The following ZFHX3 variants were observed in gnomAD, a reference collection of about 807,000 sequenced individuals.
ZFHX3 encodes the protein zinc finger homeobox protein 3.
ZFHX3 carries 42 observed loss-of-function variants against 279.1 expected under a neutral mutation model. That is an observed-to-expected ratio of 0.15 (90% confidence interval 0.12 to 0.19). The LOEUF is 0.19. Ranked by LOEUF, ZFHX3 falls within the 10% of genes least tolerant of loss-of-function variation. ZFHX3 has a pLI of 1.00. For synonymous variants in ZFHX3, 2,293 were observed against 1,957.8 expected, an observed-to-expected ratio of 1.17 and a Z score of -4.52; for missense variants, 4,981 against 4,754.0, an observed-to-expected ratio of 1.05 and a Z score of -1.40.
chr16:73,156,239 A>C (rs1300751768), intron 5 of ZFHX3, among the ~76,000 whole-genome samples: 3 of 151,620 alleles, frequency 2.0e-5, no homozygotes, highest in African/African-American at 7.3e-5. Flanking sequence ...CTCAAAAAAA[A>C]AAAAAAAAAA....
intron 7 of ZFHX3, among the ~76,000 whole-genome samples, chr16:73,118,604 T>C (rs547793401): frequency 1.8e-4 from 27 of 152,256 alleles, no homozygotes; most frequent in South Asian, 8.3e-4. Context: ...ATTGGGTGTA[T>C]TGGGGGTAGA....
chr16:73,769,519 G>A (rs2053993584), intron 1 of ZFHX3, among the ~76,000 whole-genome samples: 1 of 152,090 alleles, frequency 6.6e-6, no homozygotes, highest in South Asian at 2.1e-4. Context: ...TAATAGGAAT[G>A]AGCATCTATA....
rs8052708 is a variant in ZFHX3 at position 73,116,807 on chromosome 16, A to T, written c.-897+14161T>A. On this transcript the variant is annotated intron_variant, in intron 7 of 17. Transcript: ENST00000641206. ...AGGGCTGGAAAAACCACATTTTTCT[A>T]TCTCAAACCCAGTTTATTCACGCAG... is the stretch of plus-strand genomic sequence containing the variant. Among the ~76,000 whole-genome samples, 1,318 of 152,296 alleles carry T rather than the reference A, an allele frequency of 8.7e-3. 26 individuals carry two copies. Among genetic ancestry groups the T allele is most frequent in the African/African-American group, 0.03 (1,232 of 41,558 alleles).
intron 3 of ZFHX3, among the ~76,000 whole-genome samples, chr16:73,413,504 G>A (rs2017510750): frequency 6.6e-6 from 1 of 152,218 alleles, no homozygotes; most frequent in South Asian, 2.1e-4. Flanking sequence ...GAGACCAGAT[G>A]TGGAAACAGC....
chr16:73,049,079 GT>G (rs1273847193), upstream of ZFHX3, among the ~76,000 whole-genome samples: 1 of 152,002 alleles, frequency 6.6e-6, no homozygotes, highest in African/African-American at 2.4e-5. Flanking sequence ...ATCTCCCCAA[GT>G]TCACCTTTTC....
chr16:73,337,098 A>G (rs1247063563), intron 3 of ZFHX3, among the ~76,000 whole-genome samples: 1 of 152,158 alleles, frequency 6.6e-6, no homozygotes, highest in Admixed American at 6.5e-5. Flanking sequence ...ACTCAATATC[A>G]TCATATTTCA....
rs773258955 is a variant in ZFHX3, at chr16:72,958,735, C to G, written c.1411G>C (p.Glu471Gln). 1 of 1,612,156 alleles carries G rather than the reference C, an allele frequency of 6.2e-7. No individual in the cohort carries two copies. Among genetic ancestry groups the G allele is most frequent in the Admixed American group, 1.7e-5 (1 of 59,848 alleles). The change falls in exon 2 of 10, where the codon GAG (glutamate) becomes CAG (glutamine). Residue 471 changes from glutamate (E) to glutamine (Q), a missense_variant. Glu to Gln is a conservative substitution (Grantham distance 29, BLOSUM62 2). Around this residue, in one of 7 missense-constraint regions of ZFHX3, gnomAD observed 1,068 missense variants for 935.2 expected, o/e 1.14. Coordinates refer to ENST00000268489, the MANE Select transcript of ZFHX3 (RefSeq NM_006885.4). ...TCTTCTTCCTCCTCCTCCTCCGCCT[C>G]TTCCTCCTCCTCTTCCTCCTCCGCC... is the stretch of plus-strand genomic sequence containing the variant. ...EEAEEEEEEE[E>Q]AEEEEEEEEE... is the part of the protein sequence containing the mutation.
intron 7 of ZFHX3, among the ~76,000 whole-genome samples, chr16:73,126,320 G>A (rs1194049356): frequency 6.6e-6 from 1 of 152,150 alleles, no homozygotes; most frequent in Admixed American, 6.6e-5. Context: ...TACTGCAGAG[G>A]TCCAAGCACT....
At chr16:73,075,557 A>G (rs1394373600) in intron 8 of ZFHX3, among the ~76,000 whole-genome samples, 1 of 152,202 alleles carries the variant, frequency 6.6e-6, no homozygotes, top group Non-Finnish European at 1.5e-5. Flanking sequence ...ATGATCTTGC[A>G]GTGATATACA....
chr16:73,142,301 G>C (rs1966849523), intron 6 of ZFHX3, among the ~76,000 whole-genome samples: 1 of 152,176 alleles, frequency 6.6e-6, no homozygotes, highest in Non-Finnish European at 1.5e-5. Flanking sequence ...GGACCTCTGA[G>C]CCATCAGCAC....
At chr16:73,336,055 C>G (rs1046447870) in intron 3 of ZFHX3, among the ~76,000 whole-genome samples, 1 of 152,166 alleles carries the variant, frequency 6.6e-6, no homozygotes, top group Non-Finnish European at 1.5e-5. Context: ...GGAGATGGAT[C>G]TTTACTGCTC....
chr16:73,069,211 C>G (rs573905682), intron 8 of ZFHX3, among the ~76,000 whole-genome samples: 85 of 152,302 alleles, frequency 5.6e-4, no homozygotes, highest in Non-Finnish European at 9.3e-4. Flanking sequence ...GGCTGGGAGT[C>G]TTGAGAGTGA....
At chr16:73,135,375 A>G (rs1966769651) in intron 6 of ZFHX3, among the ~76,000 whole-genome samples, 1 of 152,230 alleles carries the variant, frequency 6.6e-6, no homozygotes, top group Non-Finnish European at 1.5e-5. Flanking sequence ...AGGTTCCAGG[A>G]CATTGGATAG....
chr16:73,013,574 C>A (rs1044059117), intron 1 of ZFHX3, among the ~76,000 whole-genome samples: 3 of 152,314 alleles, frequency 2.0e-5, no homozygotes, highest in Middle Eastern at 3.4e-3. Context: ...AGGCCTGAAC[C>A]ACGGTGCCTG....
chr16:73,601,712 T>G (rs1414380513), intron 2 of ZFHX3, among the ~76,000 whole-genome samples: 1 of 152,204 alleles, frequency 6.6e-6, no homozygotes, highest in Non-Finnish European at 1.5e-5. Context: ...CCATCAGATA[T>G]TCCCTGACTT....
chr16:73,545,670 C>T (rs192719401), intron 2 of ZFHX3, among the ~76,000 whole-genome samples: 1 of 152,174 alleles, frequency 6.6e-6, no homozygotes, highest in East Asian at 1.9e-4. Flanking sequence ...CAGTTTATAA[C>T]ATTCTATTTA....
intron 1 of ZFHX3, among the ~76,000 whole-genome samples, chr16:73,785,399 T>A (rs368936786): frequency 1.3e-5 from 2 of 152,332 alleles, no homozygotes; most frequent in African/African-American, 4.8e-5. Flanking sequence ...ATCTATCTTA[T>A]ATATCCTAGT....
intron 5 of ZFHX3, among the ~76,000 whole-genome samples, chr16:73,188,913 G>A (rs1967972218): frequency 6.6e-6 from 1 of 150,920 alleles, no homozygotes; most frequent in African/African-American, 2.4e-5. Context: ...GCCCAGGCTG[G>A]AGTGCAGTGG....
chr16:72,860,738 C>T (rs1291336478), intron 4 of ZFHX3, among the ~76,000 whole-genome samples: 3 of 152,140 alleles, frequency 2.0e-5, no homozygotes, highest in African/African-American at 4.8e-5. Flanking sequence ...CCAAAATTTA[C>T]AAACTTTTAG....
Sources: gnomAD v4.1 joint callset for allele counts (sites outside exome capture counted in the v4.1 genomes callset) on GRCh38, gnomAD v4.1.1 for gene constraint, gnomAD v4.1.1 regional missense constraint, MANE v1.5 for transcripts, NCBI Gene and HGNC (gene_info 2026-07-23, HGNC 2026-07-21) for gene names.